The following PHF20 variants were observed in gnomAD, a reference collection of about 807,000 sequenced individuals.
PHF20 encodes PHD finger protein 20.
In PHF20, 23 loss-of-function variants were observed where a neutral mutation model predicts 113.5. That is an observed-to-expected ratio of 0.20 (90% CI 0.15 to 0.29). The LOEUF is 0.29. Among genes scored for constraint, PHF20 ranks in the 10% least tolerant of loss-of-function variants. The probability of loss-of-function intolerance (pLI) is 1.00; values close to 1 mark genes in which losing one functional copy is unlikely to be tolerated. For missense variants in PHF20, 943 were observed against 1,219.6 expected (o/e 0.77, Z 3.38); for synonymous variants, 434 against 457.3 (o/e 0.95, Z 0.65).
chr20:35,779,858 G>A (rs1417979524), intron 1 of PHF20, among the ~76,000 whole-genome samples: 2 of 152,150 alleles, frequency 1.3e-5, no homozygotes, highest in Admixed American at 1.3e-4. Context: ...CAGGTGTTGG[G>A]ATTTCGAGGT....
At chr20:35,791,856 G>A (rs1056476208) in intron 1 of PHF20, among the ~76,000 whole-genome samples, 3 of 152,042 alleles carry the variant, frequency 2.0e-5, no homozygotes, top group Non-Finnish European at 4.4e-5. Context: ...TTCTAGTTTG[G>A]CACACTTGCC....
chr20:35,896,365 C>G (rs2054983194), intron 9 of PHF20, among the ~76,000 whole-genome samples: 1 of 151,968 alleles, frequency 6.6e-6, no homozygotes, highest in South Asian at 2.1e-4. Flanking sequence ...TCATTGCATA[C>G]CGAATTCCTA....
chr20:35,821,857 C>A (rs973163972), intron 2 of PHF20, among the ~76,000 whole-genome samples: 1 of 151,958 alleles, frequency 6.6e-6, no homozygotes, highest in Non-Finnish European at 1.5e-5. Context: ...GATTTGCTGA[C>A]GACATGTAAG....
intron 15 of PHF20, among the ~76,000 whole-genome samples, chr20:35,935,680 GA>G (rs1428895317): frequency 1.6e-4 from 25 of 152,168 alleles, no homozygotes; most frequent in Non-Finnish European, 1.5e-5. Context: ...TGTCCCTTCT[GA>G]ATCCTCATCT....
chr20:35,926,230 ATTTTTTTTTT>A (rs1186510585), intron 13 of PHF20, among the ~76,000 whole-genome samples: 4 of 52,968 alleles, frequency 7.6e-5, no homozygotes, highest in Non-Finnish European at 1.2e-4. Context: ...ACAGACTTTC[ATTTTTTTTTT>A]TTTTTTTTTT....
chr20:35,878,545 C>T (rs1044007945), intron 9 of PHF20: 4 of 703,010 alleles, frequency 5.7e-6, no homozygotes, highest in South Asian at 3.2e-5. Flanking sequence ...AGGCACCATT[C>T]GTACTTGTTG....
chr20:35,936,668 G>T (rs568873691), intron 15 of PHF20, among the ~76,000 whole-genome samples: 7 of 152,182 alleles, frequency 4.6e-5, no homozygotes, highest in African/African-American at 1.7e-4. Context: ...TATACATAAA[G>T]GACAGTTGAT....
chr20:35,850,296 G>GTTTT lies in PHF20; in HGVS notation c.340+2888_340+2891dup, dbSNP rs554100863. 2.6e-4 allele frequency among the ~76,000 whole-genome samples: 16 copies of GTTTT among 62,358 alleles called. 1 individual carries two copies. Among genetic ancestry groups the GTTTT allele is most frequent in the Non-Finnish European group, 4.0e-4 (12 of 30,370 alleles). The allele number at this position is 62,358 out of a possible 152,430, so 40.9% of individuals were successfully genotyped here. On this transcript the variant is annotated intron_variant, in intron 4 of 17. Coordinates refer to ENST00000374012, the MANE Select transcript of PHF20 (RefSeq NM_016436.5). The stretch of plus-strand genomic sequence containing the variant: ...CTGGGGCTGCTTAGCTTCCCCCTCC[G>GTTTT]TTTTTTTTTTTTTTTTTTTTTTTTT...
chr20:35,790,803 C>T (rs190299490), intron 1 of PHF20, among the ~76,000 whole-genome samples: 19 of 152,226 alleles, frequency 1.2e-4, no homozygotes, highest in African/African-American at 1.2e-4. Flanking sequence ...CCAAATGCTG[C>T]GCTGAGTACC....
Position 35,899,464 on chromosome 20 carries a change from T to C in PHF20, c.1377T>C (p.Cys459=). 1 of 1,614,176 alleles carries C rather than the reference T, an allele frequency of 6.2e-7. No homozygotes were observed. The highest frequency in any genetic ancestry group is 8.5e-7 in the Non-Finnish European group (1 of 1,180,002). The change falls in exon 10 of 18, where the codon TGT becomes TGC. Residue 459 remains cysteine, a synonymous_variant. Transcript: ENST00000374012. ...AGTTTAGATGCAAAGTTGTGGACTGTTTAAAATTTTTCCGCAAAGCCAAAC... is the reference window on the plus strand; with the variant it reads ...AGTTTAGATGCAAAGTTGTGGACTGCTTAAAATTTTTCCGCAAAGCCAAAC... ...DHKFRCKVVD[C]LKFFRKAKLL...
intron 9 of PHF20, among the ~76,000 whole-genome samples, chr20:35,877,735 C>G (rs1381871569): frequency 6.6e-6 from 1 of 152,130 alleles, no homozygotes. Flanking sequence ...GGTTGATACT[C>G]TACAAGAAGC....
chr20:35,903,048 G>A (rs372857153), intron 10 of PHF20, among the ~76,000 whole-genome samples: 3 of 85,316 alleles, frequency 3.5e-5, no homozygotes, highest in African/African-American at 1.0e-4. Flanking sequence ...AGTGATTTTC[G>A]TTTCCTTTCC....
chr20:35,898,141 C>T (rs1031379289), intron 9 of PHF20, among the ~76,000 whole-genome samples: 21 of 151,074 alleles, frequency 1.4e-4, no homozygotes, highest in Non-Finnish European at 2.8e-4. Flanking sequence ...TCCCAAAGTG[C>T]TGAGATTACA....
At chr20:35,912,649 T>C (rs1338135424) in intron 10 of PHF20, among the ~76,000 whole-genome samples, 1 of 151,852 alleles carries the variant, frequency 6.6e-6, no homozygotes, top group African/African-American at 2.4e-5. Flanking sequence ...CTGGCCGAAA[T>C]AGTGAAACCC....
chr20:35,845,665 GTGTGCCCT>G (rs1016905123), intron 3 of PHF20, among the ~76,000 whole-genome samples: 2 of 152,052 alleles, frequency 1.3e-5, no homozygotes, highest in African/African-American at 4.8e-5. Context: ...GATTATAGGC[GTGTGCCCT>G]TGTGCCTGGC....
At chr20:35,783,129 G>A (rs549164738) in intron 1 of PHF20, among the ~76,000 whole-genome samples, 3 of 152,296 alleles carry the variant, frequency 2.0e-5, no homozygotes, top group African/African-American at 4.8e-5. Context: ...GAACCCAGGA[G>A]TTCAAGGCTG....
chr20:35,879,378 A>G (rs1161676990), intron 9 of PHF20, among the ~76,000 whole-genome samples: 1 of 152,186 alleles, frequency 6.6e-6, no homozygotes, highest in African/African-American at 2.4e-5. Context: ...TGCAAATTAT[A>G]TTTTTGCTGT....
chr20:35,943,113 G>A (rs766450776), intron 17 of PHF20, among the ~76,000 whole-genome samples: 2 of 152,052 alleles, frequency 1.3e-5, no homozygotes, highest in Non-Finnish European at 1.5e-5. Flanking sequence ...GTGAGCCACC[G>A]TACCCAGCCC....
intron 1 of PHF20, among the ~76,000 whole-genome samples, chr20:35,793,717 G>C (rs534512020): frequency 6.6e-6 from 1 of 151,406 alleles, no homozygotes; most frequent in African/African-American, 2.4e-5. Flanking sequence ...TTATATGCTC[G>C]CATGGCGCAG....
Sources: gnomAD v4.1 joint callset for allele counts (sites outside exome capture counted in the v4.1 genomes callset) on GRCh38, gnomAD v4.1.1 for gene constraint, MANE v1.5 for transcripts, NCBI Gene and HGNC (gene_info 2026-07-23, HGNC 2026-07-21) for gene names.